The following ZNF385B variants were observed in gnomAD, a reference collection of about 807,000 sequenced individuals.
The protein encoded by ZNF385B is zinc finger protein 385B.
In ZNF385B, 23 loss-of-function variants were observed where a neutral mutation model predicts 39.2. The observed-to-expected ratio is 0.59, with a 90% CI of 0.42 to 0.83. The LOEUF (loss-of-function observed/expected upper bound fraction) is 0.83, where lower values mean the gene tolerates loss of function less well. Ranked by LOEUF, ZNF385B falls within the 40% of genes least tolerant of loss-of-function variation. The pLI is 0.00. For missense variants in ZNF385B, 552 were observed against 598.9 expected (o/e 0.92, Z 0.82); for synonymous variants, 205 against 222.6 (o/e 0.92, Z 0.70).
intron 3 of ZNF385B, among the ~76,000 whole-genome samples, chr2:179,564,507 G>C (rs1447260898): frequency 1.3e-5 from 2 of 152,080 alleles, no homozygotes; most frequent in African/African-American, 4.8e-5. Context: ...CCATTCTTAA[G>C]GAAACAAAAC....
chr2:179,799,113 C>G (rs1705868959), intron 1 of ZNF385B, among the ~76,000 whole-genome samples: 1 of 151,954 alleles, frequency 6.6e-6, no homozygotes, highest in South Asian at 2.1e-4. Flanking sequence ...TCAATAGTTC[C>G]TGCATTGTAC....
intron 3 of ZNF385B, among the ~76,000 whole-genome samples, chr2:179,549,625 G>A (rs2060444628): frequency 6.7e-6 from 1 of 149,568 alleles, no homozygotes; most frequent in Admixed American, 6.6e-5. Context: ...CTATTTCAAT[G>A]ATCCTTTTTG....
chr2:179,647,160 G>C (rs1225180669), intron 3 of ZNF385B, among the ~76,000 whole-genome samples: 1 of 152,130 alleles, frequency 6.6e-6, no homozygotes, highest in Non-Finnish European at 1.5e-5. Context: ...AGATACAATT[G>C]CCTATGTTCC....
intron 1 of ZNF385B, among the ~76,000 whole-genome samples, chr2:179,841,443 T>C (rs890617841): frequency 5.3e-5 from 8 of 152,196 alleles, no homozygotes; most frequent in Admixed American, 2.6e-4. Context: ...AACCTGTGCC[T>C]ACCCAGCAAG....
rs115928160 is a variant in ZNF385B at position 179,575,009 on chromosome 2, A to T, written c.299-30040T>A. On this transcript the variant is annotated intron_variant, in intron 3 of 9. Coordinates refer to ENST00000410066, the MANE Select transcript of ZNF385B (RefSeq NM_152520.6). ...TGTATGTTGATGCTGCTCAGGTACC[A>T]ACATCGGTCTTCTGCTGGTGGCCCT... Among the ~76,000 whole-genome samples, 701 of 152,124 alleles carry T rather than the reference A, an allele frequency of 4.6e-3. 6 individuals are homozygous for T. The highest frequency in any genetic ancestry group is 0.016 in the African/African-American group (667 of 41,502).
chr2:179,489,100 T>C (rs2054927433), intron 5 of ZNF385B, among the ~76,000 whole-genome samples: 1 of 152,078 alleles, frequency 6.6e-6, no homozygotes, highest in South Asian at 2.1e-4. Flanking sequence ...GGAAGCTCCA[T>C]GAAAAGAGGG....
chr2:179,835,833 C>A (rs1001144415), intron 1 of ZNF385B, among the ~76,000 whole-genome samples: 1 of 152,120 alleles, frequency 6.6e-6, no homozygotes, highest in African/African-American at 2.4e-5. Context: ...TAGCCCCTCA[C>A]TTCTGGCACA....
At chr2:179,624,114 A>C (rs1158723855) in intron 3 of ZNF385B, among the ~76,000 whole-genome samples, 8 of 152,214 alleles carry the variant, frequency 5.3e-5, no homozygotes, top group African/African-American at 1.7e-4. Context: ...TTAAGAGCCT[A>C]CTTGCACTTC....
chr2:179,464,290 C>T (rs933662395), intron 6 of ZNF385B, among the ~76,000 whole-genome samples: 1 of 152,136 alleles, frequency 6.6e-6, no homozygotes, highest in African/African-American at 2.4e-5. Flanking sequence ...TTCTCCCATT[C>T]TGTAGGTTGC....
In ZNF385B at chr2:179,786,828, T is replaced by A. The variant is rs111940121; in HGVS notation, c.-154-16156A>T. On this transcript the variant is annotated intron_variant, in intron 1 of 9. Coordinates refer to ENST00000410066, the MANE Select transcript of ZNF385B (RefSeq NM_152520.6). Reference sequence around the variant, plus strand: ...TTGGAAGTAGAATTCCTAGGTGTACTTTTAATATATATTGCCAATTTGATC... The same window carrying A: ...TTGGAAGTAGAATTCCTAGGTGTACATTTAATATATATTGCCAATTTGATC... Among the ~76,000 whole-genome samples the A allele has an allele frequency of 4.7e-3, 723 of 152,230 alleles. 3 individuals carry two copies. The highest frequency in any genetic ancestry group is 0.016 in the African/African-American group (657 of 41,554).
At chr2:179,578,136 T>C (rs1284871098) in intron 3 of ZNF385B, among the ~76,000 whole-genome samples, 1 of 152,154 alleles carries the variant, frequency 6.6e-6, no homozygotes, top group African/African-American at 2.4e-5. Flanking sequence ...TATATTTATG[T>C]ATGTTGCACA....
chr2:179,546,155 T>C (rs2060217711), intron 3 of ZNF385B, among the ~76,000 whole-genome samples: 1 of 152,052 alleles, frequency 6.6e-6, no homozygotes, highest in Non-Finnish European at 1.5e-5. Flanking sequence ...CCAACTTCAG[T>C]CTTCCAAGTA....
chr2:179,835,127 T>C (rs1299305958), intron 1 of ZNF385B, among the ~76,000 whole-genome samples: 1 of 152,238 alleles, frequency 6.6e-6, no homozygotes, highest in Non-Finnish European at 1.5e-5. Flanking sequence ...AGTATTGTAT[T>C]GTTAAATTTC....
chr2:179,453,301 T>C (rs16866737), intron 6 of ZNF385B, among the ~76,000 whole-genome samples: 7,651 of 152,170 alleles, frequency 0.05, 217 homozygotes, highest in Middle Eastern at 0.12. Flanking sequence ...AAGCAACTGG[T>C]ATTTAGTATT....
At chr2:179,681,083 T>TTC (rs949215053) in intron 3 of ZNF385B, among the ~76,000 whole-genome samples, 1 of 151,628 alleles carries the variant, frequency 6.6e-6, no homozygotes, top group African/African-American at 2.4e-5. Context: ...AACAACTGTT[T>TTC]TTTTTTTTTT....
rs114605516 is a variant in ZNF385B at position 179,854,760 on chromosome 2, T to G, written c.-155+6341A>C. Among the ~76,000 whole-genome samples the G allele has an allele frequency of 6.0e-3, 911 of 152,338 alleles. 13 individuals are homozygous for G. The highest frequency in any genetic ancestry group is 0.021 in the African/African-American group (883 of 41,582). ...AGAATTCGCTCATTATCTCTCACAA[T>G]GGGCCTTTTCTTAGTGTAGCTCAAA... On this transcript the variant is annotated intron_variant, in intron 1 of 9. Coordinates refer to ENST00000410066, the MANE Select transcript of ZNF385B (RefSeq NM_152520.6).
intron 1 of ZNF385B, among the ~76,000 whole-genome samples, chr2:179,790,008 T>C (rs1705231850): frequency 6.6e-6 from 1 of 152,142 alleles, no homozygotes; most frequent in East Asian, 1.9e-4. Flanking sequence ...TTGAAATCAT[T>C]CCTTGATGAT....
rs6760409 is a variant in ZNF385B, at chr2:179,654,391, C to T, written c.299-109422G>A. Among the ~76,000 whole-genome samples the T allele has an allele frequency of 4.6e-5, 7 of 152,046 alleles. No individual in the cohort carries two copies. The South Asian group carries it at 6.2e-4, about 14-fold the overall frequency. On this transcript the variant is annotated intron_variant, in intron 3 of 9. Transcript: ENST00000410066. Reference sequence around the variant, plus strand: ...TCTCCTATTTCCTATCCCCCTACCCCCTTCGAGTGCAGGAGGATAGGAGCC... The same window carrying T: ...TCTCCTATTTCCTATCCCCCTACCCTCTTCGAGTGCAGGAGGATAGGAGCC...
intron 3 of ZNF385B, among the ~76,000 whole-genome samples, chr2:179,760,814 T>A (rs555444712): frequency 6.6e-6 from 1 of 152,294 alleles, no homozygotes; most frequent in South Asian, 2.1e-4. Context: ...ACTGGAGTGA[T>A]GCAGCCACAG....
Sources: gnomAD v4.1 joint callset for allele counts (sites outside exome capture counted in the v4.1 genomes callset) on GRCh38, gnomAD v4.1.1 for gene constraint, MANE v1.5 for transcripts, NCBI Gene and HGNC (gene_info 2026-07-23, HGNC 2026-07-21) for gene names.